Variants in HPS4 observed in about 807,000 individuals in gnomAD.
HPS4 encodes the protein HPS4 biogenesis of lysosomal organelles complex 3 subunit 2, also known as BLOC-3 complex member HPS4.
Under a neutral mutation model 70.3 loss-of-function variants are expected in HPS4, and 44 were observed. The ratio of observed to expected loss-of-function variants is 0.63; its 90% CI spans 0.49 to 0.80. The LOEUF (loss-of-function observed/expected upper bound fraction) is 0.80, where lower values mean the gene tolerates loss of function less well. HPS4 is among the 30% of genes least tolerant of loss of function. HPS4 has a pLI of 0.00. For missense variants in HPS4, 873 were observed against 884.4 expected, an observed-to-expected ratio of 0.99 and a Z score of 0.16; for synonymous variants, 377 against 355.9, an observed-to-expected ratio of 1.06 and a Z score of -0.67.
rs980566317 is a variant in HPS4, at chr22:26,455,043, C to T, written c.1956-1639G>A. 7.7e-4 allele frequency among the ~76,000 whole-genome samples: 117 copies of T among 152,320 alleles called. 2 individuals are homozygous for T. The Middle Eastern group carries it at 0.01, about 13-fold the overall frequency. On this transcript the variant is annotated intron_variant, in intron 13 of 13. Coordinates refer to ENST00000398145, the MANE Select transcript of HPS4 (RefSeq NM_022081.6). ...AAAACCACAATGAGATACCATCTCA[C>T]ATCAGTTAGAATGGCGATCATTAAA... is the stretch of plus-strand genomic sequence containing the variant.
chr22:26,464,500 G>A lies in HPS4; in HGVS notation c.1130C>T (p.Ala377Val). 2.5e-6 allele frequency: 4 copies of A among 1,614,196 alleles called. No homozygotes were observed. Among genetic ancestry groups the A allele is most frequent in the Non-Finnish European group, 3.4e-6 (4 of 1,180,038 alleles). Residue 377 changes from alanine (A) to valine (V), a missense_variant, in exon 11 of 14, where the codon GCT becomes GTT. Physicochemically the swap from Ala to Val is moderately conservative, Grantham distance 64. Coordinates refer to ENST00000398145, the MANE Select transcript of HPS4 (RefSeq NM_022081.6). ...LDLSEIHIPE[A>V]QEVEMASGHF... ...ACCTGAGGCCATTTCCACTTCCTGA[G>A]CCTCTGGAATGTGGATTTCAGACAA... is the stretch of plus-strand genomic sequence containing the variant.
At chr22:26,463,892 CAGG>C (rs1329302255) in intron 11 of HPS4, 22 bp downstream of exon 11, 13 of 1,609,660 alleles carry the variant, frequency 8.1e-6, no homozygotes, top group South Asian at 2.2e-5. Context: ...CGCAGAGGGG[CAGG>C]AGAAGGTCTG....
chr22:26,471,552 T>C (rs986584521), intron 6 of HPS4, among the ~76,000 whole-genome samples: 31 of 152,184 alleles, frequency 2.0e-4, no homozygotes, highest in African/African-American at 7.5e-4. Flanking sequence ...AGAAGTTTAT[T>C]CTTCATAGCC....
At chr22:26,465,712 C>A in intron 9 of HPS4, 161 bp from the exon 10 acceptor site, 1 of 640,854 alleles carries the variant, frequency 1.6e-6, no homozygotes, top group Admixed American at 2.7e-5. Context: ...AACTGCACCT[C>A]GAACTCCTGG....
Position 26,452,997 on chromosome 22 carries a change from C to G in HPS4, c.*236G>C. ...AGCCAAGCCCGTCCCGGCCCCAACA[C>G]TACCGATTAAATACAGTTCTTTATC... On this transcript the variant is annotated 3_prime_UTR_variant, in exon 14 of 14. Transcript: ENST00000398145. 1 of 537,672 alleles carries G rather than the reference C, an allele frequency of 1.9e-6. No individual in the cohort carries two copies. Among genetic ancestry groups the G allele is most frequent in the Non-Finnish European group, 3.3e-6 (1 of 299,706 alleles). The allele number at this position is 537,672 out of a possible 1,614,324, so 33.3% of individuals were successfully genotyped here.
At chr22:26,470,958 T>C in intron 6 of HPS4, 145 bp from the exon 7 acceptor site, 11 of 1,522,062 alleles carry the variant, frequency 7.2e-6, no homozygotes, top group Non-Finnish European at 9.8e-6. Flanking sequence ...GTGAAAGCTG[T>C]GCCATGGCTT....
chr22:26,464,564 G>A lies in HPS4; in HGVS notation c.1066C>T (p.Leu356=). ...TGGAGAAAGACTAGTTCCTTCCCCAGGGAGGAGCTGAGGCCAAGAACCTCA... is the reference window on the plus strand; with the variant it reads ...TGGAGAAAGACTAGTTCCTTCCCCAAGGAGGAGCTGAGGCCAAGAACCTCA... The part of the protein sequence containing the change: ...RGEVLGLSSS[L]GKELVFLQEE... Residue 356 remains leucine, a synonymous_variant, in exon 11 of 14, where the codon CTG becomes TTG. Coordinates refer to ENST00000398145, the MANE Select transcript of HPS4 (RefSeq NM_022081.6). 1.9e-6 allele frequency: 3 copies of A among 1,614,226 alleles called. No individual in the cohort carries two copies. The highest frequency in any genetic ancestry group is 2.5e-6 in the Non-Finnish European group (3 of 1,180,040).
At position 26,453,340 on chromosome 22, in the gene HPS4, C is replaced by T. The variant is rs2085515521; in HGVS notation, c.2020G>A (p.Ala674Thr). 3 of 1,614,150 alleles carry T rather than the reference C, an allele frequency of 1.9e-6. No individual in the cohort carries two copies. The East Asian group carries it at 6.7e-5, about 36-fold the overall frequency. ...AAGCCGGAGCTCCGTGCTGCAGGTG[C>T]CAGCTGCTGGAAATATGTCTCCTGG... Reference protein sequence around the residue: ...PIQETYFQQLAPAARSSGFPN... With the variant: ...PIQETYFQQLTPAARSSGFPN... Residue 674 changes from alanine (A) to threonine (T), a missense_variant, in exon 14 of 14, where the codon GCA becomes ACA. By Grantham distance (58) the Ala-to-Thr change is moderately conservative. Transcript: ENST00000398145.
At position 26,453,377 on chromosome 22, in the gene HPS4, A is replaced by G; in HGVS notation, c.1983T>C (p.Cys661=). The change falls in exon 14 of 14, where the codon TGT becomes TGC. Residue 661 remains cysteine, a synonymous_variant. Coordinates refer to ENST00000398145, the MANE Select transcript of HPS4 (RefSeq NM_022081.6). ...AATATGTCTCCTGGATGGGGTTGCA[A>G]CAGGCGTACACAGCCGTGGAGGCAT... The part of the protein sequence containing the change: ...VRNASTAVYA[C]CNPIQETYFQ... 6.2e-7 allele frequency: 1 copy of G among 1,614,184 alleles called. No individual in the cohort carries two copies. The highest frequency in any genetic ancestry group is 8.5e-7 in the Non-Finnish European group (1 of 1,180,044).
At position 26,472,420 on chromosome 22, in the gene HPS4, T is replaced by C. The variant is rs1602022652; in HGVS notation, c.385-2A>G. On this transcript the variant is annotated splice_acceptor_variant, in intron 5 of 13. Coordinates refer to ENST00000398145, the MANE Select transcript of HPS4 (RefSeq NM_022081.6). LOFTEE classifies it high-confidence loss of function. ...GCTCAGTTCTTCCTGAGAACAGTTC[T>C]AAAACAGAAAGAGCCTCAGGTCAAT... 1 of 1,580,924 alleles carries C rather than the reference T, an allele frequency of 6.3e-7. No homozygotes were observed. Among genetic ancestry groups the C allele is most frequent in the Non-Finnish European group, 8.7e-7 (1 of 1,149,692 alleles).
intron 3 of HPS4, among the ~76,000 whole-genome samples, chr22:26,478,495 C>A (rs1013986954): frequency 2.1e-5 from 3 of 140,846 alleles, no homozygotes; most frequent in Non-Finnish European, 3.0e-5. Flanking sequence ...GGCATGAACC[C>A]GGGAGGTGGA....
chr22:26,477,168 G>A (rs1299947038), intron 3 of HPS4, 32 bp from the exon 4 acceptor site: 4 of 1,613,580 alleles, frequency 2.5e-6, no homozygotes, highest in Non-Finnish European at 3.4e-6. Context: ...CAGATAGGAA[G>A]CTGAAATTCT....
chr22:26,480,174 ATTTTG>A (rs902887410), intron 2 of HPS4, among the ~76,000 whole-genome samples: 4 of 151,994 alleles, frequency 2.6e-5, no homozygotes, highest in African/African-American at 9.7e-5. Flanking sequence ...CCAGGCCTCA[ATTTTG>A]TTTTGTTTTT....
At chr22:26,480,819 G>A (rs1399953144) in intron 2 of HPS4, among the ~76,000 whole-genome samples, 2 of 152,132 alleles carry the variant, frequency 1.3e-5, no homozygotes, top group African/African-American at 4.8e-5. Flanking sequence ...TTGGGATGCT[G>A]AGGTAGGAGG....
At chr22:26,483,270 C>T (rs2091481050) in intron 1 of HPS4, among the ~76,000 whole-genome samples, 1 of 152,194 alleles carries the variant, frequency 6.6e-6, no homozygotes, top group Admixed American at 6.5e-5. Flanking sequence ...CCTACACTAC[C>T]GAGGTCCTCT....
At position 26,479,360 on chromosome 22, in the gene HPS4, C is replaced by T. The variant is rs1466360140; in HGVS notation, c.42-5G>A. ...TAAAGAAAAAAATAATTCCACCTGG[C>T]AAGAGAACAGAGTGGAGCCATGTTT... On this transcript the variant is annotated splice_region_variant and splice_polypyrimidine_tract_variant and intron_variant, in intron 2 of 13. Transcript: ENST00000398145. The T allele has an allele frequency of 6.2e-7, 1 of 1,613,868 alleles. No homozygotes were observed.
intron 13 of HPS4, among the ~76,000 whole-genome samples, chr22:26,457,053 C>CAA (rs2086259377): frequency 6.6e-6 from 1 of 151,804 alleles, no homozygotes; most frequent in African/African-American, 2.4e-5. Context: ...TTTATATGTG[C>CAA]AAAAAATAAA....
At chr22:26,443,573 G>A (rs117572633), downstream of HPS4, 151 of 156,758 alleles carry the variant, frequency 9.6e-4, 3 homozygotes, top group East Asian at 0.023. Flanking sequence ...GTAACTAAAT[G>A]GTTATTTGTC....
chr22:26,467,044 A>AT (rs1439990393), intron 8 of HPS4: 1 of 152,078 alleles, frequency 6.6e-6, no homozygotes, highest in African/African-American at 2.4e-5. Context: ...AATATTGGGT[A>AT]TTTTTTCCTT....
Sources: gnomAD v4.1 joint callset for allele counts (sites outside exome capture counted in the v4.1 genomes callset) on GRCh38, gnomAD v4.1.1 for gene constraint, MANE v1.5 for transcripts, NCBI Gene and HGNC (gene_info 2026-07-23, HGNC 2026-07-21) for gene names.